GRIN3A: variants seen among roughly 807,000 people sequenced by gnomAD.
GRIN3A encodes the protein glutamate ionotropic receptor NMDA type subunit 3A, also known as glutamate receptor ionotropic, NMDA 3A.
A neutral mutation model predicts 92.4 loss-of-function variants in GRIN3A; 47 were observed. The ratio of observed to expected loss-of-function variants is 0.51; its 90% CI spans 0.40 to 0.65. The LOEUF (loss-of-function observed/expected upper bound fraction) is 0.65. Among genes scored for constraint, GRIN3A ranks in the 30% least tolerant of loss-of-function variants. The pLI is 0.00. For synonymous variants in GRIN3A, 527 were observed against 540.6 expected (o/e 0.97, Z 0.35); for missense variants, 1,324 against 1,393.1 (o/e 0.95, Z 0.79).
chr9:101,646,570 T>G (rs1227321752), intron 3 of GRIN3A, among the ~76,000 whole-genome samples: 1 of 151,676 alleles, frequency 6.6e-6, no homozygotes, highest in African/African-American at 2.4e-5. Context: ...CATTTGTATT[T>G]TCATAGGGAT....
At chr9:101,715,641 G>C (rs1220960330) in intron 1 of GRIN3A, among the ~76,000 whole-genome samples, 3 of 152,114 alleles carry the variant, frequency 2.0e-5, no homozygotes, top group Middle Eastern at 3.2e-3. Context: ...TTCATTTGAA[G>C]TCTGTGGAGA....
intron 1 of GRIN3A, among the ~76,000 whole-genome samples, chr9:101,725,886 A>G (rs1367909135): frequency 6.6e-6 from 1 of 152,176 alleles, no homozygotes; most frequent in East Asian, 1.9e-4. Context: ...GGTCAGACAG[A>G]CCTTACTTTA....
chr9:101,575,741 AGCAT>A (rs1452703873), intron 8 of GRIN3A, among the ~76,000 whole-genome samples: 1 of 152,186 alleles, frequency 6.6e-6, no homozygotes, highest in African/African-American at 2.4e-5. Flanking sequence ...GTCAAGTTGT[AGCAT>A]GCATGAGCAT....
intron 2 of GRIN3A, among the ~76,000 whole-genome samples, chr9:101,680,280 A>C (rs1174722720): frequency 6.6e-6 from 1 of 152,178 alleles, no homozygotes; most frequent in African/African-American, 2.4e-5. Context: ...TCAGGAATAA[A>C]TTGTGATGAT....
intron 6 of GRIN3A, chr9:101,593,528 C>A (rs954612738): frequency 6.6e-6 from 1 of 152,378 alleles, no homozygotes; most frequent in East Asian, 1.9e-4. Flanking sequence ...GCCTCTCCTC[C>A]GTAGGACAAC....
At chr9:101,686,243 T>C (rs1162252667) in intron 2 of GRIN3A, among the ~76,000 whole-genome samples, 3 of 152,218 alleles carry the variant, frequency 2.0e-5, no homozygotes. Context: ...AATTTCATGG[T>C]ATCTTTATTA....
intron 1 of GRIN3A, among the ~76,000 whole-genome samples, chr9:101,691,400 A>G (rs1233077481): frequency 6.6e-6 from 1 of 152,212 alleles, no homozygotes; most frequent in Admixed American, 6.5e-5. Context: ...AGAAGAAACT[A>G]GGAAATATTA....
In GRIN3A at chr9:101,670,465, G is replaced by A; in HGVS notation, c.1947C>T (p.Phe649=). ...TCACTAAGATGCCCAAGCTGGTGGA[G>A]AAGAAAGGGCTGGTGAAATCTATCA... ...SQVIDFTSPF[F]STSLGILVRT... The change falls in exon 3 of 9, where the codon TTC becomes TTT. Residue 649 remains phenylalanine, a synonymous_variant. Transcript: ENST00000361820. The A allele has an allele frequency of 6.2e-7, 1 of 1,614,024 alleles. No individual in the cohort carries two copies. Among genetic ancestry groups the A allele is most frequent in the South Asian group, 1.1e-5 (1 of 91,084 alleles).
chr9:101,623,739 A>G (rs1828589531), intron 4 of GRIN3A, among the ~76,000 whole-genome samples: 1 of 152,248 alleles, frequency 6.6e-6, no homozygotes, highest in Admixed American at 6.5e-5. Context: ...CGCATAGAGA[A>G]TGTTTATTCT....
At chr9:101,710,164 T>C (rs538608751) in intron 1 of GRIN3A, among the ~76,000 whole-genome samples, 11 of 152,224 alleles carry the variant, frequency 7.2e-5, no homozygotes, top group African/African-American at 2.6e-4. Context: ...TAATTATAGG[T>C]AAATGATCAC....
chr9:101,674,784 A>G (rs1282067234), intron 2 of GRIN3A, among the ~76,000 whole-genome samples: 1 of 152,128 alleles, frequency 6.6e-6, no homozygotes, highest in Non-Finnish European at 1.5e-5. Context: ...TTATGAAGAA[A>G]GGTAAGAAGG....
At chr9:101,680,208 A>G (rs1348460690) in intron 2 of GRIN3A, among the ~76,000 whole-genome samples, 1 of 152,242 alleles carries the variant, frequency 6.6e-6, no homozygotes, top group African/African-American at 2.4e-5. Context: ...GACAGTGGAC[A>G]GAATATCCAA....
intron 3 of GRIN3A, among the ~76,000 whole-genome samples, chr9:101,649,872 C>T (rs763514596): frequency 1.9e-4 from 29 of 152,056 alleles, no homozygotes; most frequent in Non-Finnish European, 3.5e-4. Context: ...TGGAACAAAA[C>T]ATAGTCTCAA....
intron 3 of GRIN3A, among the ~76,000 whole-genome samples, chr9:101,664,093 C>T (rs1043830055): frequency 6.6e-6 from 1 of 151,830 alleles, no homozygotes; most frequent in African/African-American, 2.4e-5. Flanking sequence ...AGAACATATG[C>T]CAATGGCTGA....
intron 3 of GRIN3A, among the ~76,000 whole-genome samples, chr9:101,658,619 T>G (rs1289635659): frequency 2.6e-5 from 4 of 151,896 alleles, no homozygotes; most frequent in African/African-American, 9.7e-5. Flanking sequence ...TAGGCAGCAG[T>G]TTTTTGATAG....
At chr9:101,708,541 T>G (rs1316289989) in intron 1 of GRIN3A, among the ~76,000 whole-genome samples, 1 of 152,196 alleles carries the variant, frequency 6.6e-6, no homozygotes, top group Non-Finnish European at 1.5e-5. Context: ...GTCATAGATA[T>G]TAATGTGGTC....
chr9:101,679,788 C>T (rs948937710), intron 2 of GRIN3A, among the ~76,000 whole-genome samples: 14 of 152,172 alleles, frequency 9.2e-5, no homozygotes, highest in African/African-American at 2.7e-4. Context: ...AAGCAGCCTC[C>T]AACCCCTGGC....
In GRIN3A at chr9:101,735,403, C is replaced by A. The variant is rs185671552; in HGVS notation, c.699+1878G>T. ...GTCCCTGGAGGACTTTATCCACCCCCCACCCCGGTCTTAGAGCTTTGAAGT... is the reference window on the plus strand; with the variant it reads ...GTCCCTGGAGGACTTTATCCACCCCACACCCCGGTCTTAGAGCTTTGAAGT... On this transcript the variant is annotated intron_variant, in intron 1 of 8. Coordinates refer to ENST00000361820, the MANE Select transcript of GRIN3A (RefSeq NM_133445.3). 2.5e-3 allele frequency among the ~76,000 whole-genome samples: 379 copies of A among 151,672 alleles called. 1 individual carries two copies. Among genetic ancestry groups the A allele is most frequent in the African/African-American group, 8.4e-3 (348 of 41,498 alleles).
intron 3 of GRIN3A, among the ~76,000 whole-genome samples, chr9:101,631,189 T>C (rs1472478519): frequency 1.3e-5 from 2 of 152,236 alleles, no homozygotes; most frequent in African/African-American, 4.8e-5. Context: ...TTAATTTTAA[T>C]TTATCCTTGT....
Sources: allele counts gnomAD v4.1 joint callset (sites outside exome capture counted in the v4.1 genomes callset), GRCh38; gene constraint gnomAD v4.1.1; transcripts MANE v1.5; gene names NCBI Gene and HGNC (gene_info 2026-07-23, HGNC 2026-07-21).